The following SCAMP1 variants were observed in gnomAD, a reference collection of about 807,000 sequenced individuals.
The protein encoded by SCAMP1 is secretory carrier membrane protein 1.
SCAMP1 carries 15 observed loss-of-function variants against 41.8 expected under a neutral mutation model. That is an observed-to-expected ratio of 0.36 (90% CI 0.24 to 0.55). The LOEUF is 0.55. Among genes scored for constraint, SCAMP1 ranks in the 20% least tolerant of loss-of-function variants. SCAMP1 has a pLI of 0.86. For missense variants in SCAMP1, 341 were observed against 412.6 expected (o/e 0.83, Z 1.50); for synonymous variants, 135 against 136.8 (o/e 0.99, Z 0.09).
intron 1 of SCAMP1, among the ~76,000 whole-genome samples, chr5:78,381,815 A>G (rs991738376): frequency 6.6e-6 from 1 of 152,228 alleles, no homozygotes; most frequent in African/African-American, 2.4e-5. Flanking sequence ...GATGTTTCTC[A>G]TATGAATTTA....
At chr5:78,413,796 A>G (rs1355761426) in intron 2 of SCAMP1, among the ~76,000 whole-genome samples, 1 of 152,122 alleles carries the variant, frequency 6.6e-6, no homozygotes, top group Non-Finnish European at 1.5e-5. Flanking sequence ...CTTCCTTTTC[A>G]GGGCTGCTGT....
chr5:78,382,949 T>G (rs1751247704), intron 1 of SCAMP1, among the ~76,000 whole-genome samples: 1 of 151,614 alleles, frequency 6.6e-6, no homozygotes, highest in South Asian at 2.1e-4. Context: ...CTTCTTTTCC[T>G]TTGGATTGAT....
At chr5:78,409,930 T>A (rs185507149) in intron 2 of SCAMP1, among the ~76,000 whole-genome samples, 201 of 152,250 alleles carry the variant, frequency 1.3e-3, no homozygotes, top group Non-Finnish European at 2.4e-3. Flanking sequence ...ATTTTATTAG[T>A]ATTTGGTCAT....
intron 7 of SCAMP1, among the ~76,000 whole-genome samples, chr5:78,450,811 G>A (rs1208663625): frequency 1.3e-5 from 2 of 152,314 alleles, no homozygotes; most frequent in East Asian, 3.9e-4. Flanking sequence ...TAATTAGAAT[G>A]TGTTGAGGAC....
At chr5:78,397,933 A>G (rs1580663759) in intron 2 of SCAMP1, among the ~76,000 whole-genome samples, 1 of 152,254 alleles carries the variant, frequency 6.6e-6, no homozygotes, top group African/African-American at 2.4e-5. Context: ...TCTATAATCA[A>G]AGAGTCAGGC....
chr5:78,447,067 T>C (rs1753068617), intron 6 of SCAMP1, among the ~76,000 whole-genome samples: 1 of 152,198 alleles, frequency 6.6e-6, no homozygotes, highest in East Asian at 1.9e-4. Context: ...AACCCTATTG[T>C]GAACTGCGTG....
chr5:78,380,687 G>A (rs182091539), intron 1 of SCAMP1, among the ~76,000 whole-genome samples: 42 of 152,028 alleles, frequency 2.8e-4, no homozygotes, highest in African/African-American at 8.7e-4. Flanking sequence ...AATAATACTC[G>A]TTGAAGAAAC....
intron 6 of SCAMP1, among the ~76,000 whole-genome samples, chr5:78,432,977 C>G (rs1752659083): frequency 6.6e-6 from 1 of 152,054 alleles, no homozygotes; most frequent in Admixed American, 6.6e-5. Context: ...TTCAGTTTCA[C>G]TGATTCTCTC....
chr5:78,423,014 GCGCACACACACACACACA>G (rs1243546194), intron 6 of SCAMP1, among the ~76,000 whole-genome samples: 1 of 9,716 alleles, frequency 1.0e-4, no homozygotes, highest in Non-Finnish European at 2.6e-4. Context: ...ACACGCGCGC[GCGCACACACACACACACA>G]CACACACACA....
chr5:78,404,010 T>C (rs1241176028), intron 2 of SCAMP1, among the ~76,000 whole-genome samples: 3 of 140,478 alleles, frequency 2.1e-5, no homozygotes, highest in Admixed American at 7.3e-5. Flanking sequence ...TTGTCCTAGC[T>C]ACTCAGGAGG....
rs1041479430 is a variant in SCAMP1, at chr5:78,454,608, C to T, written c.734+4574C>T. ...GCCAGTATTTTATTGAGGATTTTTG[C>T]GTCAATGTTCATCAAGGATATTGGT... is the stretch of plus-strand genomic sequence containing the variant. On this transcript the variant is annotated intron_variant, in intron 7 of 8. Transcript: ENST00000621999. Among the ~76,000 whole-genome samples, 35 of 152,136 alleles carry T rather than the reference C, an allele frequency of 2.3e-4. No homozygotes were observed. The East Asian group carries it at 3.3e-3, about 14-fold the overall frequency.
At chr5:78,442,593 A>C (rs562518051) in intron 6 of SCAMP1, among the ~76,000 whole-genome samples, 1 of 152,186 alleles carries the variant, frequency 6.6e-6, no homozygotes, top group Non-Finnish European at 1.5e-5. Flanking sequence ...CCTATGTAAT[A>C]GCTTGGAAAC....
At chr5:78,368,026 T>G (rs527816931) in intron 1 of SCAMP1, among the ~76,000 whole-genome samples, 1 of 152,358 alleles carries the variant, frequency 6.6e-6, no homozygotes, top group African/African-American at 2.4e-5. Flanking sequence ...TTCTTGCCCA[T>G]TGAAAATTGG....
chr5:78,380,428 C>T (rs992412394), intron 1 of SCAMP1, among the ~76,000 whole-genome samples: 1 of 152,192 alleles, frequency 6.6e-6, no homozygotes, highest in African/African-American at 2.4e-5. Context: ...ATGAGAATGC[C>T]TGCTTCCTTA....
intron 1 of SCAMP1, among the ~76,000 whole-genome samples, chr5:78,383,844 A>G (rs1181917903): frequency 2.0e-5 from 3 of 152,062 alleles, no homozygotes; most frequent in African/African-American, 7.2e-5. Context: ...GCCTTATGGT[A>G]TAGTTTGAAG....
At chr5:78,447,359 A>T (rs1753076656) in intron 6 of SCAMP1, among the ~76,000 whole-genome samples, 1 of 117,800 alleles carries the variant, frequency 8.5e-6, no homozygotes, top group African/African-American at 3.0e-5. Flanking sequence ...TAATTTGAAG[A>T]CTTACTAGAA....
At chr5:78,466,241 A>G (rs1479839444) in intron 8 of SCAMP1, among the ~76,000 whole-genome samples, 2 of 152,220 alleles carry the variant, frequency 1.3e-5, no homozygotes, top group Non-Finnish European at 2.9e-5. Context: ...TGGGCTGTGC[A>G]TGAGCTCAGA....
chr5:78,464,370 C>G (rs770919225), intron 8 of SCAMP1, among the ~76,000 whole-genome samples: 6 of 152,096 alleles, frequency 3.9e-5, no homozygotes, highest in Non-Finnish European at 8.8e-5. Flanking sequence ...TCTTGATCTC[C>G]TGACCTCGTG....
chr5:78,388,246 A>G (rs75991518), intron 1 of SCAMP1, among the ~76,000 whole-genome samples: 3,026 of 152,270 alleles, frequency 0.02, 114 homozygotes, highest in African/African-American at 0.068. Flanking sequence ...TATTTTCATG[A>G]AAGCCTACTA....
Sources: allele counts gnomAD v4.1 joint callset (sites outside exome capture counted in the v4.1 genomes callset), GRCh38; gene constraint gnomAD v4.1.1; transcripts MANE v1.5; gene names NCBI Gene and HGNC (gene_info 2026-07-23, HGNC 2026-07-21).